The following HEATR5B variants were observed in gnomAD, a reference collection of about 807,000 sequenced individuals.
The protein encoded by HEATR5B is HEAT repeat-containing protein 5B.
Under a neutral mutation model 224.1 loss-of-function variants are expected in HEATR5B, and 156 were observed. That is an observed-to-expected ratio of 0.70 (90% CI 0.61 to 0.80). HEATR5B has a LOEUF of 0.80. Ranked by LOEUF, HEATR5B falls within the 30% of genes least tolerant of loss-of-function variation. HEATR5B has a pLI of 0.00. For missense variants in HEATR5B, 2,323 were observed against 2,535.5 expected (o/e 0.92, Z 1.80); for synonymous variants, 1,027 against 893.0 (o/e 1.15, Z -2.68).
intron 18 of HEATR5B, among the ~76,000 whole-genome samples, chr2:37,048,242 T>C (rs906427910): frequency 1.3e-5 from 2 of 151,272 alleles, no homozygotes; most frequent in African/African-American, 2.4e-5. Context: ...TGGACAGTAA[T>C]GGCATGATCT....
At chr2:37,076,227 T>C (rs924361299) in intron 4 of HEATR5B, 2 of 152,348 alleles carry the variant, frequency 1.3e-5, no homozygotes, top group East Asian at 3.8e-4. Context: ...ACCATCTTTG[T>C]ATGTTTAATG....
At position 36,981,550 on chromosome 2, in the gene HEATR5B, T is replaced by A; in HGVS notation, c.6156A>T (p.Arg2052Ser). The change falls in exon 36 of 36, where the codon AGA (arginine) becomes AGT (serine). Residue 2052 changes from arginine to serine, a missense_variant. Around this residue, in one of 12 missense-constraint regions of HEATR5B, gnomAD observed 844 missense variants for 812.9 expected, o/e 1.04. Coordinates refer to ENST00000233099, the MANE Select transcript of HEATR5B (RefSeq NM_019024.3). ...SQASKAKAAA[R>S]QPAPAIHSAP... ...CAGAATGTATGGCGGGGGCTGGTTG[T>A]CTGGCAGCCGCTTTAGCTTTGCTCG... 2.5e-6 allele frequency: 4 copies of A among 1,614,182 alleles called. No individual in the cohort carries two copies. Among genetic ancestry groups the A allele is most frequent in the Non-Finnish European group, 3.4e-6 (4 of 1,180,014 alleles).
intron 11 of HEATR5B, among the ~76,000 whole-genome samples, chr2:37,061,480 T>G (rs982964393): frequency 6.6e-6 from 1 of 152,234 alleles, no homozygotes; most frequent in Non-Finnish European, 1.5e-5. Flanking sequence ...AATAGGTATT[T>G]TTGTACTATG....
At chr2:37,053,791 C>A (rs193086673) in intron 16 of HEATR5B, among the ~76,000 whole-genome samples, 184 bp from the exon 17 acceptor site, 3 of 152,018 alleles carry the variant, frequency 2.0e-5, no homozygotes, top group East Asian at 3.9e-4. Flanking sequence ...TATGGACATG[C>A]GGTTATTAAA....
At chr2:37,006,455 A>G (rs888793650) in intron 29 of HEATR5B, among the ~76,000 whole-genome samples, 2 of 152,218 alleles carry the variant, frequency 1.3e-5, no homozygotes, top group Non-Finnish European at 2.9e-5. Context: ...CAGCCTGACC[A>G]ACATGGAGAA....
chr2:37,002,268 T>A (rs1667134782), intron 32 of HEATR5B, 38 bp downstream of exon 32: 1 of 1,607,432 alleles, frequency 6.2e-7, no homozygotes, highest in Admixed American at 1.7e-5. Flanking sequence ...TTGTCTACTG[T>A]AATATAATGC....
At chr2:37,069,562 C>G (rs1234922882) in intron 7 of HEATR5B, among the ~76,000 whole-genome samples, 1 of 152,106 alleles carries the variant, frequency 6.6e-6, no homozygotes, top group African/African-American at 2.4e-5. Flanking sequence ...GTATTTTTAG[C>G]TACAGGGTTG....
intron 6 of HEATR5B, among the ~76,000 whole-genome samples, chr2:37,070,589 G>T (rs907283428): frequency 6.6e-6 from 1 of 152,140 alleles, no homozygotes; most frequent in Non-Finnish European, 1.5e-5. Context: ...AATGGAAAGA[G>T]CTAGAAATAA....
chr2:37,076,976 T>G lies in HEATR5B; in HGVS notation c.382A>C (p.Arg128=), dbSNP rs769064003. 2 of 1,614,086 alleles carry G rather than the reference T, an allele frequency of 1.2e-6. No individual in the cohort carries two copies. Among genetic ancestry groups the G allele is most frequent in the South Asian group, 1.1e-5 (1 of 91,084 alleles). Residue 128 remains arginine (R), a synonymous_variant, in exon 4 of 36, where the codon AGA becomes CGA. Coordinates refer to ENST00000233099, the MANE Select transcript of HEATR5B (RefSeq NM_019024.3). ...TCTGGAAATGCGCTGCCCAACATTCTCCCCATTTTTTCATAAAATGCTCCG... is the reference window on the plus strand; with the variant it reads ...TCTGGAAATGCGCTGCCCAACATTCGCCCCATTTTTTCATAAAATGCTCCG... ...CVGAFYEKMG[R]MLGSAFPETV...
chr2:37,059,406 A>ATGTGTGTGTG (rs529487124), intron 12 of HEATR5B, among the ~76,000 whole-genome samples: 20 of 100,234 alleles, frequency 2.0e-4, no homozygotes, highest in Admixed American at 3.8e-4. Flanking sequence ...ATATATGTAT[A>ATGTGTGTGTG]TGTGTGTGTG....
In HEATR5B at chr2:37,020,790, G is replaced by A. The variant is rs1251416005; in HGVS notation, c.3900C>T (p.Phe1300=). 14 of 1,600,188 alleles carry A rather than the reference G, an allele frequency of 8.7e-6. No individual in the cohort carries two copies. The highest frequency in any genetic ancestry group is 1.1e-5 in the Non-Finnish European group (13 of 1,176,938). The part of the protein sequence containing the change: ...LHLSDLIRMA[F]MAATDHSNQL... Reference sequence around the variant, plus strand: ...GGTTGCTATGATCAGTTGCAGCCATGAATGCCATGCGAATGAGGTCAGAGA... The same window carrying A: ...GGTTGCTATGATCAGTTGCAGCCATAAATGCCATGCGAATGAGGTCAGAGA... Residue 1300 remains phenylalanine (F), a synonymous_variant, in exon 25 of 36, where the codon TTC becomes TTT. Coordinates refer to ENST00000233099, the MANE Select transcript of HEATR5B (RefSeq NM_019024.3).
At chr2:37,040,941 G>T (rs1669834495) in intron 19 of HEATR5B, 192 bp downstream of exon 19, 3 of 531,228 alleles carry the variant, frequency 5.6e-6, no homozygotes, top group Non-Finnish European at 9.9e-6. Context: ...GTATGTGAAT[G>T]GGTAAAATTC....
intron 26 of HEATR5B, among the ~76,000 whole-genome samples, chr2:37,018,878 G>C (rs1459202552): frequency 1.3e-5 from 2 of 152,064 alleles, no homozygotes; most frequent in Non-Finnish European, 2.9e-5. Flanking sequence ...TGCATTTTTT[G>C]GGGCAGGGTG....
intron 35 of HEATR5B, among the ~76,000 whole-genome samples, chr2:36,986,772 A>G (rs1423233230): frequency 6.6e-6 from 1 of 152,074 alleles, no homozygotes; most frequent in African/African-American, 2.4e-5. Flanking sequence ...GCATACCACG[A>G]GGCCTGGCTA....
At chr2:37,067,360 T>C (rs564430150) in intron 8 of HEATR5B, among the ~76,000 whole-genome samples, 4 of 152,368 alleles carry the variant, frequency 2.6e-5, no homozygotes, top group African/African-American at 9.6e-5. Context: ...AAATTATTCT[T>C]TAAGTTGTGA....
intron 5 of HEATR5B, among the ~76,000 whole-genome samples, chr2:37,073,382 G>C (rs1218155326): frequency 6.6e-6 from 1 of 152,066 alleles, no homozygotes; most frequent in Non-Finnish European, 1.5e-5. Context: ...AAAATGATTT[G>C]ACAGGCACAT....
At chr2:36,987,955 C>A (rs1295520268) in intron 35 of HEATR5B, among the ~76,000 whole-genome samples, 2 of 151,828 alleles carry the variant, frequency 1.3e-5, no homozygotes, top group Admixed American at 1.3e-4. Flanking sequence ...GCCTGTAGTC[C>A]CAGCTACTCC....
chr2:37,071,490 G>C (rs1365101938), intron 6 of HEATR5B, among the ~76,000 whole-genome samples: 2 of 152,150 alleles, frequency 1.3e-5, no homozygotes, highest in African/African-American at 4.8e-5. Flanking sequence ...CTACTCATCA[G>C]AGACAGAAAA....
In HEATR5B at chr2:37,060,682, T is replaced by C. The variant is rs752838548; in HGVS notation, c.1748A>G (p.Asn583Ser). The C allele has an allele frequency of 8.7e-6, 14 of 1,613,794 alleles. No individual in the cohort carries two copies. In the South Asian group the frequency reaches 1.3e-4, roughly 15 times the overall value. The change falls in exon 12 of 36, where the codon AAT becomes AGT. Residue 583 changes from asparagine to serine, a missense_variant. This residue lies in a region of HEATR5B where 502 missense variants were observed against 517.8 expected (regional missense o/e 0.97). Transcript: ENST00000233099. ...HLPKMLLLWRNVFPRSLKELE... is the reference protein window; with the variant it reads ...HLPKMLLLWRSVFPRSLKELE... The stretch of plus-strand genomic sequence containing the variant: ...TTCCTTTAAGGAACGTGGGAAAACA[T>C]TTCGCCACAATAACAACATCTTGGG...
Sources: allele counts gnomAD v4.1 joint callset (sites outside exome capture counted in the v4.1 genomes callset), GRCh38; gene constraint gnomAD v4.1.1; regional missense constraint gnomAD v4.1.1; transcripts MANE v1.5; gene names NCBI Gene and HGNC (gene_info 2026-07-23, HGNC 2026-07-21).